Variants in PGCKA1 observed in about 807,000 individuals in gnomAD.
The protein encoded by PGCKA1 is PDCD10 and GCKIII kinases associated 1, also known as PDCD10 and GCKIII kinases-associated protein 1.
At chr4:37,549,870 A>C in the PGCKA1 span, among the ~76,000 whole-genome samples, 2 of 152,178 alleles carry the variant, frequency 1.3e-5, no homozygotes, top group South Asian at 4.1e-4. Context: ...AGTCACACCC[A>C]GAAGCTGACT....
the PGCKA1 span, among the ~76,000 whole-genome samples, chr4:37,489,211 T>G: frequency 2.0e-5 from 3 of 152,224 alleles, no homozygotes; most frequent in Admixed American, 1.3e-4. Flanking sequence ...AATACTGTAT[T>G]GTGCACTTAA....
At chr4:37,483,173 A>C in the PGCKA1 span, among the ~76,000 whole-genome samples, 1 of 152,100 alleles carries the variant, frequency 6.6e-6, no homozygotes, top group Non-Finnish European at 1.5e-5. Flanking sequence ...CTTGGCTCTC[A>C]TTCTTCTTCC....
At chr4:37,564,158 C>T in the PGCKA1 span, among the ~76,000 whole-genome samples, 1 of 151,426 alleles carries the variant, frequency 6.6e-6, no homozygotes, top group Non-Finnish European at 1.5e-5. Flanking sequence ...CCTGTAATCC[C>T]AGCTATTCAG....
At chr4:37,520,601 G>T in the PGCKA1 span, among the ~76,000 whole-genome samples, 2 of 150,272 alleles carry the variant, frequency 1.3e-5, no homozygotes, top group African/African-American at 2.5e-5. Context: ...AGTATCAGTT[G>T]TAACATTTAT....
the PGCKA1 span, among the ~76,000 whole-genome samples, chr4:37,501,736 T>C: frequency 6.6e-6 from 1 of 152,220 alleles, no homozygotes; most frequent in Admixed American, 6.5e-5. Context: ...TTCCTATCCA[T>C]ATCCTGAATT....
the PGCKA1 span, among the ~76,000 whole-genome samples, chr4:37,500,332 A>G: frequency 2.0e-5 from 3 of 152,264 alleles, no homozygotes; most frequent in Admixed American, 2.0e-4. Context: ...TGTTCTCATC[A>G]GTTTCAAAGA....
the PGCKA1 span, among the ~76,000 whole-genome samples, chr4:37,547,985 A>AAG: frequency 2.7e-5 from 4 of 150,090 alleles, no homozygotes; most frequent in African/African-American, 9.8e-5. Context: ...TTAAAAAAAA[A>AAG]AAAAATGGTT....
At chr4:37,466,876 T>C in the PGCKA1 span, among the ~76,000 whole-genome samples, 3 of 152,228 alleles carry the variant, frequency 2.0e-5, no homozygotes, top group Non-Finnish European at 4.4e-5. Flanking sequence ...GGTGGGCAGA[T>C]CACCTGAGTT....
chr4:37,520,493 A>G, the PGCKA1 span, among the ~76,000 whole-genome samples: 2 of 152,142 alleles, frequency 1.3e-5, no homozygotes, highest in South Asian at 4.1e-4. Flanking sequence ...GGTAGATTGT[A>G]TATATTTGTC....
chr4:37,543,833 C>CAA, the PGCKA1 span, among the ~76,000 whole-genome samples: 5,436 of 146,190 alleles, frequency 0.037, 318 homozygotes, highest in African/African-American at 0.13. Context: ...GACTCCGTCT[C>CAA]AAAAAAAAAA....
the PGCKA1 span, among the ~76,000 whole-genome samples, chr4:37,514,886 T>C: frequency 6.6e-6 from 1 of 152,216 alleles, no homozygotes; most frequent in Admixed American, 6.5e-5. Flanking sequence ...AAGCCAGGGC[T>C]GTGGGTCAAG....
chr4:37,484,612 G>A, the PGCKA1 span, among the ~76,000 whole-genome samples: 161 of 152,312 alleles, frequency 1.1e-3, 1 homozygote, highest in South Asian at 0.032. Context: ...AGCAGATGCT[G>A]GAACCATGCT....
At chr4:37,585,662 C>G in the PGCKA1 span, among the ~76,000 whole-genome samples, 18 of 151,170 alleles carry the variant, frequency 1.2e-4, no homozygotes, top group Non-Finnish European at 2.4e-4. Context: ...AGGAGGTGCA[C>G]GTGCTTCTTC....
At chr4:37,524,856 G>A in the PGCKA1 span, among the ~76,000 whole-genome samples, 12,451 of 152,212 alleles carry the variant, frequency 0.082, 654 homozygotes, top group Middle Eastern at 0.14. Context: ...AATCACTTAC[G>A]GAGAGTTCAA....
chr4:37,529,411 T>C, the PGCKA1 span, among the ~76,000 whole-genome samples: 1 of 152,228 alleles, frequency 6.6e-6, no homozygotes, highest in African/African-American at 2.4e-5. Context: ...GCTATAAATA[T>C]CTTATATTTT....
the PGCKA1 span, among the ~76,000 whole-genome samples, chr4:37,579,660 T>C: frequency 6.6e-6 from 1 of 152,210 alleles, no homozygotes; most frequent in African/African-American, 2.4e-5. Flanking sequence ...TGGAGCTTCA[T>C]TGTATGTTAT....
At chr4:37,583,130 G>T in the PGCKA1 span, among the ~76,000 whole-genome samples, 1 of 152,128 alleles carries the variant, frequency 6.6e-6, no homozygotes, top group Admixed American at 6.5e-5. Context: ...TAATATTCCA[G>T]TTGTTCCACA....
At chr4:37,552,756 C>T in the PGCKA1 span, among the ~76,000 whole-genome samples, 1 of 152,134 alleles carries the variant, frequency 6.6e-6, no homozygotes, top group Non-Finnish European at 1.5e-5. Context: ...TTTTCATTTT[C>T]TCTGCTTACC....
At chr4:37,566,255 CTTTTTTTGTTCTTT>C in the PGCKA1 span, among the ~76,000 whole-genome samples, 1 of 151,496 alleles carries the variant, frequency 6.6e-6, no homozygotes, top group East Asian at 1.9e-4. Context: ...ATTTTTGTTT[CTTTTTTTGTTCTTT>C]TTTTTTTATT....
Sources: allele counts gnomAD v4.1 joint callset (sites outside exome capture counted in the v4.1 genomes callset), GRCh38; gene constraint gnomAD v4.1.1; transcripts MANE v1.5; gene names NCBI Gene and HGNC (gene_info 2026-07-23, HGNC 2026-07-21).